NAALADL2: variants seen among roughly 807,000 people sequenced by gnomAD.
The protein encoded by NAALADL2 is N-acetylated alpha-linked acidic dipeptidase like 2.
NAALADL2 carries 76 observed loss-of-function variants against 87.2 expected under a neutral mutation model. The ratio of observed to expected loss-of-function variants is 0.87; its 90% CI spans 0.72 to 1.05. The LOEUF (loss-of-function observed/expected upper bound fraction) is 1.05, where lower values mean the gene tolerates loss of function less well. Among genes scored for constraint, NAALADL2 ranks in the 50% least tolerant of loss-of-function variants. NAALADL2 has a pLI of 0.00. For missense variants in NAALADL2, 1,089 were observed against 945.8 expected (o/e 1.15, Z -1.99); for synonymous variants, 354 against 331.0 (o/e 1.07, Z -0.75).
At chr3:174,466,697 G>C (rs576434651) in intron 1 of NAALADL2, among the ~76,000 whole-genome samples, 45 of 152,242 alleles carry the variant, frequency 3.0e-4, no homozygotes, top group South Asian at 1.2e-3. Context: ...TGAATTGTAG[G>C]AAATGATAGT....
At position 174,893,319 on chromosome 3, in the gene NAALADL2, C is replaced by T. The variant is rs539889162; in HGVS notation, c.43+33869C>T. On this transcript the variant is annotated intron_variant, in intron 1 of 13. Coordinates refer to ENST00000454872, the MANE Select transcript of NAALADL2 (RefSeq NM_207015.3). ...CAAAGGGAGTACTTCAACCCCCCCC[C>T]GCAAAAAGTTATTATTGAGCAATAA... Among the ~76,000 whole-genome samples the T allele has an allele frequency of 9.6e-3, 1,445 of 150,466 alleles. 13 individuals carry two copies. Among genetic ancestry groups the T allele is most frequent in the Middle Eastern group, 0.014 (4 of 290 alleles).
chr3:175,615,571 G>C (rs1400475067), intron 10 of NAALADL2, among the ~76,000 whole-genome samples: 1 of 151,916 alleles, frequency 6.6e-6, no homozygotes, highest in Non-Finnish European at 1.5e-5. Context: ...ATATTTATTA[G>C]TATTGGCCGG....
intron 6 of NAALADL2, among the ~76,000 whole-genome samples, chr3:175,450,284 G>A (rs1451412043): frequency 6.6e-6 from 1 of 151,966 alleles, no homozygotes; most frequent in Non-Finnish European, 1.5e-5. Context: ...ATAATTTTAA[G>A]CAATAACAGC....
chr3:175,655,988 A>AT (rs887158446), intron 11 of NAALADL2, among the ~76,000 whole-genome samples: 3 of 152,138 alleles, frequency 2.0e-5, no homozygotes, highest in African/African-American at 7.2e-5. Flanking sequence ...TAACTCCTGA[A>AT]TTTTCCATAT....
At chr3:174,516,249 G>T (rs1484306930) in intron 1 of NAALADL2, among the ~76,000 whole-genome samples, 1 of 151,954 alleles carries the variant, frequency 6.6e-6, no homozygotes, top group Non-Finnish European at 1.5e-5. Flanking sequence ...ATTTGTTAAT[G>T]ACATTAGTCA....
chr3:175,641,744 A>G (rs1037306204), intron 11 of NAALADL2, among the ~76,000 whole-genome samples: 21 of 152,198 alleles, frequency 1.4e-4, no homozygotes, highest in African/African-American at 5.1e-4. Flanking sequence ...TTCTCAGGCT[A>G]AAATTTTCCT....
At chr3:174,714,987 AT>A (rs1731046308) in intron 2 of NAALADL2, among the ~76,000 whole-genome samples, 2 of 152,166 alleles carry the variant, frequency 1.3e-5, no homozygotes, top group African/African-American at 4.8e-5. Flanking sequence ...TACCTAATTT[AT>A]GGAGAGTTTT....
At chr3:174,971,123 T>C (rs1743574963) in intron 1 of NAALADL2, among the ~76,000 whole-genome samples, 1 of 152,208 alleles carries the variant, frequency 6.6e-6, no homozygotes, top group East Asian at 1.9e-4. Flanking sequence ...TTAATCACTA[T>C]CACGAGAATA....
At chr3:175,433,806 ATG>A (rs1254220070) in intron 5 of NAALADL2, among the ~76,000 whole-genome samples, 1 of 151,974 alleles carries the variant, frequency 6.6e-6, no homozygotes. Context: ...TAGAACTTTT[ATG>A]TAAGAAAATT....
chr3:175,233,245 A>C (rs1459335681), intron 2 of NAALADL2, among the ~76,000 whole-genome samples: 4 of 152,170 alleles, frequency 2.6e-5, no homozygotes, highest in African/African-American at 9.6e-5. Context: ...ATATTGTTTT[A>C]AATGAAATCA....
chr3:175,175,722 T>C (rs957242073), intron 2 of NAALADL2, among the ~76,000 whole-genome samples: 48 of 152,244 alleles, frequency 3.2e-4, no homozygotes, highest in African/African-American at 1.1e-3. Context: ...TTCTGATTTT[T>C]AGCCAATAAT....
chr3:174,448,741 A>C (rs1559991261), intron 1 of NAALADL2, among the ~76,000 whole-genome samples: 1 of 152,106 alleles, frequency 6.6e-6, no homozygotes, highest in East Asian at 1.9e-4. Flanking sequence ...GGAAAACAGG[A>C]ATTAGGGAGG....
intron 1 of NAALADL2, among the ~76,000 whole-genome samples, chr3:175,033,377 G>A (rs1753010026): frequency 6.6e-6 from 1 of 152,032 alleles, no homozygotes; most frequent in Non-Finnish European, 1.5e-5. Flanking sequence ...ATGAACAGAT[G>A]ATATTGTCTG....
intron 1 of NAALADL2, among the ~76,000 whole-genome samples, chr3:174,881,883 T>G (rs1729234980): frequency 6.6e-6 from 1 of 152,126 alleles, no homozygotes; most frequent in African/African-American, 2.4e-5. Flanking sequence ...TTAACATATC[T>G]TGTAGATCTA....
At chr3:174,510,168 A>T (rs1241855051) in intron 1 of NAALADL2, among the ~76,000 whole-genome samples, 1 of 152,148 alleles carries the variant, frequency 6.6e-6, no homozygotes, top group Non-Finnish European at 1.5e-5. Context: ...TATGTCTGTG[A>T]TCATAAGAGA....
chr3:175,439,731 C>CTTTTTTTTTTT (rs535237866), intron 5 of NAALADL2, among the ~76,000 whole-genome samples: 2 of 113,786 alleles, frequency 1.8e-5, no homozygotes, highest in African/African-American at 3.6e-5. Context: ...GTTTTTTTTT[C>CTTTTTTTTTTT]TTTTTTTTCT....
chr3:175,715,442 A>G (rs551675778), intron 11 of NAALADL2, among the ~76,000 whole-genome samples: 316 of 152,314 alleles, frequency 2.1e-3, no homozygotes, highest in Non-Finnish European at 3.9e-3. Flanking sequence ...TTACCAACAT[A>G]CTATACCTTG....
intron 11 of NAALADL2, among the ~76,000 whole-genome samples, chr3:175,640,697 T>C (rs1471679215): frequency 6.6e-6 from 1 of 152,206 alleles, no homozygotes; most frequent in Admixed American, 6.5e-5. Context: ...TTGAAGAATA[T>C]ATTTATTCTG....
chr3:175,716,298 T>A (rs1741268354), intron 11 of NAALADL2, among the ~76,000 whole-genome samples: 1 of 146,300 alleles, frequency 6.8e-6, no homozygotes, highest in South Asian at 2.1e-4. Context: ...ATTACACATA[T>A]AAGATATATT....
Sources: gnomAD v4.1 joint callset for allele counts (sites outside exome capture counted in the v4.1 genomes callset) on GRCh38, gnomAD v4.1.1 for gene constraint, MANE v1.5 for transcripts, NCBI Gene and HGNC (gene_info 2026-07-23, HGNC 2026-07-21) for gene names.